ZNF275: variants seen among roughly 807,000 people sequenced by gnomAD.
ZNF275 encodes the protein zinc finger protein 275.
A neutral mutation model predicts 4.3 loss-of-function variants in ZNF275; 4 were observed. The observed-to-expected ratio is 0.93, with a 90% CI of 0.46 to 2.13. The LOEUF is 2.13. ZNF275 is among the 30% of genes most tolerant of loss of function. ZNF275 has a pLI of 0.02. For synonymous variants in ZNF275, 173 were observed against 166.9 expected, an observed-to-expected ratio of 1.04 and a Z score of -0.28; for missense variants, 352 against 397.1, an observed-to-expected ratio of 0.89 and a Z score of 0.97.
intron 2 of ZNF275, chrX:153,344,664 C>A (rs781993644): frequency 2.4e-5 from 9 of 374,345 alleles, no homozygotes; most frequent in African/African-American, 2.3e-4. Flanking sequence ...CCTGGGAATT[C>A]TTTCAGGATT....
chrX:153,340,138 C>T (rs782681766), intron 2 of ZNF275, among the ~76,000 whole-genome samples: 137 of 112,251 alleles, frequency 1.2e-3, no homozygotes, highest in African/African-American at 4.0e-3. Flanking sequence ...GGGCCCTGCC[C>T]GGGTGACAGT....
rs1359539776 is a variant in ZNF275, at chrX:153,346,455, G to C, written c.134-364G>C. 2.7e-5 allele frequency among the ~76,000 whole-genome samples: 3 copies of C among 109,600 alleles called. No homozygotes were observed. In the Admixed American group the frequency reaches 2.9e-4, roughly 11 times the overall value. ...AGTTAGGGTTTGGGGCCCCAGCTGAGCTCTTGATGGTGAGGTTAGGTTGAG... is the reference window on the plus strand; with the variant it reads ...AGTTAGGGTTTGGGGCCCCAGCTGACCTCTTGATGGTGAGGTTAGGTTGAG... On this transcript the variant is annotated intron_variant, in intron 3 of 3. Coordinates refer to ENST00000650114, the MANE Select transcript of ZNF275 (RefSeq NM_001367757.1).
intron 2 of ZNF275, among the ~76,000 whole-genome samples, chrX:153,341,708 A>C (rs1014563916): frequency 8.0e-5 from 9 of 112,546 alleles, no homozygotes; most frequent in East Asian, 2.8e-4. Context: ...TTTTCCTTGA[A>C]TATAGAATTC....
Position 153,345,510 on chromosome X carries a change from C to T in ZNF275, c.32-10C>T, listed in dbSNP as rs926367772. 8.3e-7 allele frequency: 1 copy of T among 1,198,301 alleles called. No homozygotes were observed. The highest frequency in any genetic ancestry group is 1.1e-6 in the Non-Finnish European group (1 of 883,452). ...CTGTTGCCATAACCAATCTCCTTTC[C>T]CATGAGCAGGCGTTCCTGTTTTAAA... is the stretch of plus-strand genomic sequence containing the variant. On this transcript the variant is annotated splice_polypyrimidine_tract_variant and intron_variant, in intron 2 of 3. Coordinates refer to ENST00000650114, the MANE Select transcript of ZNF275 (RefSeq NM_001367757.1).
At chrX:153,336,064 T>C (rs1224800054) in intron 1 of ZNF275, among the ~76,000 whole-genome samples, 2 of 112,458 alleles carry the variant, frequency 1.8e-5, no homozygotes, top group Admixed American at 1.9e-4. Flanking sequence ...CCATGAATCT[T>C]CTTGGAGAAA....
rs1342483597 is a variant in ZNF275, at chrX:153,350,607, G to A, written c.*2632G>A. 1 of 123,993 alleles carries A rather than the reference G, an allele frequency of 8.1e-6. No individual in the cohort carries two copies. Among genetic ancestry groups the A allele is most frequent in the Non-Finnish European group, 1.9e-5 (1 of 53,303 alleles). 10.2% of individuals were successfully genotyped at this position (123,993 alleles called of 1,213,427 possible). ...AGGGACACTAGGAGGGCCTGGCAAGGAAGTGTGCCCTTCTCGTGGGCCCAC... is the reference window on the plus strand; with the variant it reads ...AGGGACACTAGGAGGGCCTGGCAAGAAAGTGTGCCCTTCTCGTGGGCCCAC... On this transcript the variant is annotated 3_prime_UTR_variant, in exon 4 of 4. Transcript: ENST00000650114.
chrX:153,342,940 A>G (rs1409655533), intron 2 of ZNF275, among the ~76,000 whole-genome samples: 2 of 112,374 alleles, frequency 1.8e-5, no homozygotes, highest in African/African-American at 6.5e-5. Flanking sequence ...TGTCTCCTCA[A>G]CTTGGCGAAG....
intron 2 of ZNF275, among the ~76,000 whole-genome samples, chrX:153,338,833 G>C (rs1011252862): frequency 1.8e-5 from 2 of 110,036 alleles, no homozygotes; most frequent in Non-Finnish European, 3.8e-5. Flanking sequence ...TATACCATTA[G>C]GCCTAGATGA....
Position 153,345,661 on chromosome X carries a change from A to G in ZNF275, c.133+40A>G. On this transcript the variant is annotated intron_variant, in intron 3 of 3. Transcript: ENST00000650114. ...AATGTGAGGAAATTGGGGGAGACCC[A>G]ACCAAGCTGCTATGGGGCATGGGTT... is the stretch of plus-strand genomic sequence containing the variant. 2.7e-6 allele frequency: 3 copies of G among 1,103,241 alleles called. No homozygotes were observed. In the East Asian group the frequency reaches 9.2e-5, roughly 34 times the overall value. 90.9% of individuals were successfully genotyped at this position (1,103,241 alleles called of 1,213,427 possible). A position where few individuals can be genotyped will look rare whatever the true frequency, so the allele number is the denominator to read the frequency against.
At chrX:153,338,760 G>A (rs1439311272) in intron 2 of ZNF275, among the ~76,000 whole-genome samples, 2 of 106,918 alleles carry the variant, frequency 1.9e-5, no homozygotes, top group Non-Finnish European at 3.9e-5. Flanking sequence ...GGAATGGCAT[G>A]TCTCGTTGTG....
In ZNF275 at chrX:153,350,527, G is replaced by T. The variant is rs1378664380; in HGVS notation, c.*2552G>T. Reference sequence around the variant, plus strand: ...CAGTGGCCCACAGAAGCCACAGATAGAAGCCAGCCCCACCAGGGCTGTGCT... The same window carrying T: ...CAGTGGCCCACAGAAGCCACAGATATAAGCCAGCCCCACCAGGGCTGTGCT... On this transcript the variant is annotated 3_prime_UTR_variant, in exon 4 of 4. Transcript: ENST00000650114. 1 of 124,021 alleles carries T rather than the reference G, an allele frequency of 8.1e-6. No homozygotes were observed. Among genetic ancestry groups the T allele is most frequent in the East Asian group, 2.8e-4 (1 of 3,582 alleles). The allele number at this position is 124,021 out of a possible 1,213,427, so 10.2% of individuals were successfully genotyped here.
chrX:153,347,694 C>T lies in ZNF275; in HGVS notation c.1009C>T (p.Leu337=), dbSNP rs782180004. Residue 337 remains leucine, a synonymous_variant, in exon 4 of 4, where the codon CTG becomes TTG. Coordinates refer to ENST00000650114, the MANE Select transcript of ZNF275 (RefSeq NM_001367757.1). The stretch of plus-strand genomic sequence containing the variant: ...GGCCTTCCGCCAGAGCTCCAGCCTC[C>T]TGGAGCACGCACGCATCCACAGTGG... The part of the protein sequence containing the change: ...GKAFRQSSSL[L]EHARIHSGER... 1 of 1,209,083 alleles carries T rather than the reference C, an allele frequency of 8.3e-7. No homozygotes were observed. Among genetic ancestry groups the T allele is most frequent in the Non-Finnish European group, 1.1e-6 (1 of 894,296 alleles).
rs1045628852 is a variant in ZNF275 at position 153,349,202 on chromosome X, G to T, written c.*1227G>T. 2 of 123,703 alleles carry T rather than the reference G, an allele frequency of 1.6e-5. No homozygotes were observed. Among genetic ancestry groups the T allele is most frequent in the Admixed American group, 9.4e-5 (1 of 10,686 alleles). 10.2% of individuals were successfully genotyped at this position (123,703 alleles called of 1,213,427 possible). A position where few individuals can be genotyped will look rare whatever the true frequency, so the allele number is the denominator to read the frequency against. Reference sequence around the variant, plus strand: ...AGGGGTGATCACAGCACCTACCTCCGAAGGTTATCACGAGGACTGCCATCG... The same window carrying T: ...AGGGGTGATCACAGCACCTACCTCCTAAGGTTATCACGAGGACTGCCATCG... On this transcript the variant is annotated 3_prime_UTR_variant, in exon 4 of 4. Coordinates refer to ENST00000650114, the MANE Select transcript of ZNF275 (RefSeq NM_001367757.1).
In ZNF275 at chrX:153,347,139, G is replaced by C. The variant is rs782395664; in HGVS notation, c.454G>C (p.Val152Leu). The part of the protein sequence containing the change: ...AEFNEHRKSH[V>L]AAEPQPGPSR... ...GTTTAATGAGCACAGGAAAAGCCACGTAGCTGCGGAGCCCCAGCCCGGCCC... is the reference window on the plus strand; with the variant it reads ...GTTTAATGAGCACAGGAAAAGCCACCTAGCTGCGGAGCCCCAGCCCGGCCC... The change falls in exon 4 of 4, where the codon GTA becomes CTA. Residue 152 changes from valine to leucine, a missense_variant. Physicochemically the swap from Val to Leu is conservative, Grantham distance 32. Coordinates refer to ENST00000650114, the MANE Select transcript of ZNF275 (RefSeq NM_001367757.1). 2 of 1,210,181 alleles carry C rather than the reference G, an allele frequency of 1.7e-6. No individual in the cohort carries two copies. The highest frequency in any genetic ancestry group is 1.7e-5 in the African/African-American group (1 of 57,668).
chrX:153,341,064 T>C (rs1031625829), intron 2 of ZNF275, among the ~76,000 whole-genome samples: 2 of 112,406 alleles, frequency 1.8e-5, no homozygotes, highest in African/African-American at 6.5e-5. Context: ...TCTAGTATCA[T>C]GTTTTCCATT....
intron 2 of ZNF275, chrX:153,344,698 T>C (rs782410538): frequency 2.7e-5 from 10 of 374,230 alleles, no homozygotes; most frequent in Admixed American, 1.5e-4. Flanking sequence ...TGATGTGGCA[T>C]GGTACCTCAC....
intron 3 of ZNF275, 100 bp downstream of exon 3, chrX:153,345,721 A>C (rs2088509280): frequency 1.7e-6 from 1 of 594,115 alleles, no homozygotes; most frequent in African/African-American, 2.4e-5. Context: ...GTTAGGCTTC[A>C]GGTTAGGGTT....
rs2088553217 is a variant in ZNF275 at position 153,351,029 on chromosome X, G to A, written c.*3054G>A. ...TCCCATTGAATGCAGCATTAACTCA[G>A]AACGTAGCATAAAGTCGTCACTGCT... On this transcript the variant is annotated 3_prime_UTR_variant, in exon 4 of 4. Coordinates refer to ENST00000650114, the MANE Select transcript of ZNF275 (RefSeq NM_001367757.1). The A allele has an allele frequency of 8.1e-6, 1 of 123,299 alleles. No individual in the cohort carries two copies. Among genetic ancestry groups the A allele is most frequent in the South Asian group, 3.8e-4 (1 of 2,632 alleles). The allele number at this position is 123,299 out of a possible 1,213,427, so 10.2% of individuals were successfully genotyped here.
Position 153,346,803 on chromosome X carries a change from G to C in ZNF275, c.134-16G>C. On this transcript the variant is annotated splice_polypyrimidine_tract_variant and intron_variant, in intron 3 of 3. Coordinates refer to ENST00000650114, the MANE Select transcript of ZNF275 (RefSeq NM_001367757.1). Reference sequence around the variant, plus strand: ...CATCCTCTGCAGACTACACTGCCTTGTGTTTATCGTTTCAGAAAGCACCTC... The same window carrying C: ...CATCCTCTGCAGACTACACTGCCTTCTGTTTATCGTTTCAGAAAGCACCTC... The C allele has an allele frequency of 8.5e-7, 1 of 1,179,238 alleles. No individual in the cohort carries two copies.
Sources: gnomAD v4.1 joint callset for allele counts (sites outside exome capture counted in the v4.1 genomes callset) on GRCh38, gnomAD v4.1.1 for gene constraint, MANE v1.5 for transcripts, NCBI Gene and HGNC (gene_info 2026-07-23, HGNC 2026-07-21) for gene names.